The following LRRK1 variants were observed in gnomAD, a reference collection of about 807,000 sequenced individuals.
LRRK1 encodes leucine-rich repeat serine/threonine-protein kinase 1.
A neutral mutation model predicts 209.1 loss-of-function variants in LRRK1; 113 were observed. The observed-to-expected ratio is 0.54, with a 90% CI of 0.46 to 0.63. The LOEUF (loss-of-function observed/expected upper bound fraction) is 0.63. Ranked by LOEUF, LRRK1 falls within the 30% of genes least tolerant of loss-of-function variation. The pLI is 0.00. For synonymous variants in LRRK1, 1,144 were observed against 1,099.7 expected (o/e 1.04, Z -0.80); for missense variants, 2,284 against 2,632.2 (o/e 0.87, Z 2.89).
At chr15:100,974,097 T>C in intron 3 of LRRK1, 130 bp downstream of exon 3, 1 of 762,522 alleles carries the variant, frequency 1.3e-6, no homozygotes, top group Non-Finnish European at 1.8e-6. Flanking sequence ...AACGCCTCGC[T>C]TTGCGTATAA....
At chr15:100,968,514 T>C (rs2030620149) in intron 2 of LRRK1, among the ~76,000 whole-genome samples, 2 of 152,226 alleles carry the variant, frequency 1.3e-5, no homozygotes, top group Non-Finnish European at 2.9e-5. Context: ...CTTACAGTTT[T>C]AGCCATTCTG....
intron 2 of LRRK1, among the ~76,000 whole-genome samples, chr15:100,930,255 T>C (rs576398239): frequency 6.6e-6 from 1 of 152,348 alleles, no homozygotes; most frequent in Admixed American, 6.5e-5. Context: ...CAGATTCCTT[T>C]TTAGGCTGAG....
In LRRK1 at chr15:100,962,812, TA is replaced by T. The variant is rs1567202815; in HGVS notation, c.98-10991del. On this transcript the variant is annotated intron_variant, in intron 2 of 33. Transcript: ENST00000388948. ...CATTTTGCATATATATATATATATA[TA>T]TATATATATATTTTTTTTTTTTTTT... 7.6e-4 allele frequency among the ~76,000 whole-genome samples: 24 copies of T among 31,646 alleles called. 1 individual carries two copies. Among genetic ancestry groups the T allele is most frequent in the African/African-American group, 2.1e-3 (20 of 9,564 alleles). The allele number at this position is 31,646 out of a possible 152,430, so 20.8% of individuals were successfully genotyped here. A position where few individuals can be genotyped will look rare whatever the true frequency, so the allele number is the denominator to read the frequency against.
rs1373918258 is a variant in LRRK1, at chr15:101,021,142, G to A, written c.1699G>A (p.Val567Ile). 1 of 1,614,092 alleles carries A rather than the reference G, an allele frequency of 6.2e-7. No homozygotes were observed. Among genetic ancestry groups the A allele is most frequent in the East Asian group, 2.2e-5 (1 of 44,890 alleles). Residue 567 changes from valine to isoleucine, a missense_variant, in exon 13 of 34, where the codon GTT (valine) becomes ATT (isoleucine). This residue lies in a region of LRRK1 where 494 missense variants were observed against 522.1 expected (regional missense o/e 0.95). Coordinates refer to ENST00000388948, the MANE Select transcript of LRRK1 (RefSeq NM_024652.6). ...DNHLDTVPPS[V>I]CLLKSLSELY... ...CCACCTCGACACAGTCCCTCCCTCG[G>A]TTTGCCTACTGAAGAGCTTATCAGA...
At chr15:100,994,395 G>A (rs576717974) in intron 6 of LRRK1, among the ~76,000 whole-genome samples, 10 of 152,256 alleles carry the variant, frequency 6.6e-5, no homozygotes, top group Admixed American at 2.0e-4. Context: ...CGTGAGACCC[G>A]GCATGAGGAG....
intron 20 of LRRK1, among the ~76,000 whole-genome samples, chr15:101,042,857 C>T (rs945180146): frequency 2.6e-5 from 4 of 152,214 alleles, no homozygotes; most frequent in Non-Finnish European, 5.9e-5. Context: ...TCCTACTCTC[C>T]TCTGTGCTAC....
chr15:100,961,727 G>A (rs887914137), intron 2 of LRRK1, among the ~76,000 whole-genome samples: 1 of 151,980 alleles, frequency 6.6e-6, no homozygotes, highest in Non-Finnish European at 1.5e-5. Flanking sequence ...GGCAGGTGCT[G>A]GGGGTCCAAA....
At chr15:100,966,975 G>A (rs1161240055) in intron 2 of LRRK1, among the ~76,000 whole-genome samples, 1 of 152,182 alleles carries the variant, frequency 6.6e-6, no homozygotes, top group Non-Finnish European at 1.5e-5. Flanking sequence ...TTCCTAACAT[G>A]GACAGAAGAG....
At chr15:101,032,598 C>A (rs893920578) in intron 20 of LRRK1, among the ~76,000 whole-genome samples, 1 of 152,122 alleles carries the variant, frequency 6.6e-6, no homozygotes, top group African/African-American at 2.4e-5. Context: ...TCTTGACAAT[C>A]TTTCTTTATT....
At chr15:100,949,261 C>T (rs1386624700) in intron 2 of LRRK1, among the ~76,000 whole-genome samples, 1 of 152,044 alleles carries the variant, frequency 6.6e-6, no homozygotes, top group Non-Finnish European at 1.5e-5. Flanking sequence ...TTTGCACCAA[C>T]AAATTCAATA....
At chr15:101,030,311 G>C (rs115290095) in intron 20 of LRRK1, among the ~76,000 whole-genome samples, 4 of 151,892 alleles carry the variant, frequency 2.6e-5, no homozygotes, top group Admixed American at 2.6e-4. Flanking sequence ...CTTCCAGCCC[G>C]CAGTGTCCTC....
rs1387595333 is a variant in LRRK1, at chr15:101,075,014, GAC to G, written c.*6169_*6170del. 8.1e-6 allele frequency: 1 copy of G among 123,208 alleles called. No homozygotes were observed. The highest frequency in any genetic ancestry group is 1.8e-5 in the Non-Finnish European group (1 of 57,082). 7.6% of individuals were successfully genotyped at this position (123,208 alleles called of 1,614,324 possible). A position where few individuals can be genotyped will look rare whatever the true frequency, so the allele number is the denominator to read the frequency against. ...CTTCTTGGCTTAGCGGCTGAAGACT[GAC>G]ACTGCCCGATCACCTCGGAAGCCCC... On this transcript the variant is annotated 3_prime_UTR_variant, in exon 34 of 34. Coordinates refer to ENST00000388948, the MANE Select transcript of LRRK1 (RefSeq NM_024652.6).
rs1227822996 is a variant in LRRK1, at chr15:100,919,560, T to C, written c.-123+109T>C. Reference sequence around the variant, plus strand: ...CCCGCGGGGAGCCTCGGCCTCTGCCTGCCCGCGGGCCCCTGCGCTCCGGGC... The same window carrying C: ...CCCGCGGGGAGCCTCGGCCTCTGCCCGCCCGCGGGCCCCTGCGCTCCGGGC... On this transcript the variant is annotated intron_variant, in intron 1 of 33. Transcript: ENST00000388948. The surrounding 1 kb of genome is among the most constrained non-coding windows in gnomAD (Gnocchi z 5.8). The C allele has an allele frequency of 6.8e-6, 1 of 146,974 alleles. No homozygotes were observed. Among genetic ancestry groups the C allele is most frequent in the African/African-American group, 2.5e-5 (1 of 40,776 alleles). 9.1% of individuals were successfully genotyped at this position (146,974 alleles called of 1,614,324 possible). A position where few individuals can be genotyped will look rare whatever the true frequency, so the allele number is the denominator to read the frequency against.
chr15:101,056,747 G>A (rs1221203524), intron 27 of LRRK1, 109 bp from the exon 28 acceptor site: 5 of 820,306 alleles, frequency 6.1e-6, no homozygotes, highest in South Asian at 3.9e-5. Context: ...TTTGTTGAAT[G>A]TTTGTTTTCC....
intron 7 of LRRK1, among the ~76,000 whole-genome samples, chr15:101,009,509 C>T (rs898874023): frequency 6.6e-6 from 1 of 152,152 alleles, no homozygotes; most frequent in African/African-American, 2.4e-5. Context: ...CTTCTGGAGG[C>T]CTTGGAGGGA....
chr15:101,002,360 GCCGTGGA>G (rs1210962649), intron 6 of LRRK1, among the ~76,000 whole-genome samples: 1 of 152,216 alleles, frequency 6.6e-6, no homozygotes, highest in Non-Finnish European at 1.5e-5. Context: ...CACCACCACT[GCCGTGGA>G]AAACAAGTTT....
At chr15:100,950,876 G>A (rs1293887029) in intron 2 of LRRK1, among the ~76,000 whole-genome samples, 2 of 152,336 alleles carry the variant, frequency 1.3e-5, no homozygotes, top group African/African-American at 4.8e-5. Flanking sequence ...GGCCAAGGCG[G>A]GCAGATCACG....
intron 2 of LRRK1, among the ~76,000 whole-genome samples, chr15:100,962,823 A>ACATATATATATATATATATTTTTT (rs1438896981): frequency 8.7e-5 from 1 of 11,548 alleles, no homozygotes; most frequent in Non-Finnish European, 2.1e-4. Context: ...ATATATATAT[A>ACATATATATATATATATATTTTTT]TTTTTTTTTT....
At chr15:101,007,135 G>A (rs547913304) in intron 6 of LRRK1, among the ~76,000 whole-genome samples, 1 of 152,340 alleles carries the variant, frequency 6.6e-6, no homozygotes, top group South Asian at 2.1e-4. Context: ...AAAGACAGGC[G>A]CTCATCGCCA....
Sources: gnomAD v4.1 joint callset for allele counts (sites outside exome capture counted in the v4.1 genomes callset) on GRCh38, gnomAD v4.1.1 for gene constraint, gnomAD v4.1.1 regional missense constraint, Gnocchi (gnomAD v3.1) non-coding constraint, MANE v1.5 for transcripts, NCBI Gene and HGNC (gene_info 2026-07-23, HGNC 2026-07-21) for gene names.